Variants in DIPK1A observed in about 807,000 individuals in gnomAD.
DIPK1A encodes family with sequence similarity 69 member A.
Under a neutral mutation model 40.8 loss-of-function variants are expected in DIPK1A, and 27 were observed. The observed-to-expected ratio is 0.66, with a 90% CI of 0.49 to 0.91. DIPK1A has a LOEUF of 0.91. Ranked by LOEUF, DIPK1A falls within the 40% of genes least tolerant of loss-of-function variation. The pLI, the probability that DIPK1A is intolerant of heterozygous loss-of-function variation, is 0.00. For synonymous variants in DIPK1A, 166 were observed against 171.3 expected (o/e 0.97, Z 0.24); for missense variants, 412 against 505.7 (o/e 0.81, Z 1.78).
At chr1:92,854,076 G>C (rs1363729603) in intron 2 of DIPK1A, among the ~76,000 whole-genome samples, 1 of 152,042 alleles carries the variant, frequency 6.6e-6, no homozygotes, top group Non-Finnish European at 1.5e-5. Context: ...TTGTAGAGAT[G>C]GGGTTTCACT....
At chr1:92,922,966 ATC>A (rs1650329325) in intron 1 of DIPK1A, among the ~76,000 whole-genome samples, 2 of 151,860 alleles carry the variant, frequency 1.3e-5, no homozygotes, top group Non-Finnish European at 2.9e-5. Flanking sequence ...AATTTCTCAA[ATC>A]TGTTTTCCAC....
At position 92,907,736 on chromosome 1, in the gene DIPK1A, G is replaced by A. The variant is rs939340402; in HGVS notation, c.55-31306C>T. ...GGATTACAGGCATGAGCCACCATGCGCAGCCTGTTCTGTATCTTAATAGGG... is the reference window on the plus strand; with the variant it reads ...GGATTACAGGCATGAGCCACCATGCACAGCCTGTTCTGTATCTTAATAGGG... On this transcript the variant is annotated intron_variant, in intron 1 of 4. Coordinates refer to ENST00000370310, the MANE Select transcript of DIPK1A (RefSeq NM_001006605.5). 3.9e-5 allele frequency among the ~76,000 whole-genome samples: 6 copies of A among 152,174 alleles called. No individual in the cohort carries two copies. In the East Asian group the frequency reaches 7.7e-4, roughly 20 times the overall value.
rs189050576 is a variant in DIPK1A, at chr1:92,936,366, G to A, written c.54+25010C>T. Among the ~76,000 whole-genome samples the A allele has an allele frequency of 1.4e-3, 210 of 152,208 alleles. 2 individuals carry two copies. Among genetic ancestry groups the A allele is most frequent in the African/African-American group, 4.9e-3 (202 of 41,532 alleles). ...AGAGAAACTGGGCATGGTGGCTCACGCCTGTAATCCCAACACTTTGGGAGG... is the reference window on the plus strand; with the variant it reads ...AGAGAAACTGGGCATGGTGGCTCACACCTGTAATCCCAACACTTTGGGAGG... On this transcript the variant is annotated intron_variant, in intron 1 of 4. Coordinates refer to ENST00000370310, the MANE Select transcript of DIPK1A (RefSeq NM_001006605.5).
intron 1 of DIPK1A, chr1:92,931,666 T>C (rs1650754383): frequency 6.2e-6 from 1 of 160,878 alleles, no homozygotes; most frequent in African/African-American, 2.4e-5. Flanking sequence ...TAGTTGATAA[T>C]GATATGGTTG....
chr1:92,845,573 T>G (rs1687574372), intron 4 of DIPK1A: 6 of 294,176 alleles, frequency 2.0e-5, no homozygotes, highest in Non-Finnish European at 3.9e-5. Flanking sequence ...ATGCGGTGGC[T>G]CACGCCTGTA....
At chr1:92,862,805 T>C (rs1647341054) in intron 2 of DIPK1A, among the ~76,000 whole-genome samples, 1 of 152,240 alleles carries the variant, frequency 6.6e-6, no homozygotes, top group Non-Finnish European at 1.5e-5. Flanking sequence ...TTCTCTGCTC[T>C]AGCTATGCTA....
intron 1 of DIPK1A, 127 bp downstream of exon 1, chr1:92,961,249 G>T (rs917480941): frequency 4.2e-6 from 2 of 474,364 alleles, no homozygotes; most frequent in Non-Finnish European, 6.5e-6. Flanking sequence ...CGGACGGCAG[G>T]GGGCAGCGGG....
At position 92,927,185 on chromosome 1, in the gene DIPK1A, T is replaced by C. The variant is rs1293346153; in HGVS notation, c.54+34191A>G. Among the ~76,000 whole-genome samples the C allele has an allele frequency of 2.6e-5, 4 of 152,026 alleles. No homozygotes were observed. In the South Asian group the frequency reaches 6.2e-4, roughly 24 times the overall value. On this transcript the variant is annotated intron_variant, in intron 1 of 4. Transcript: ENST00000370310. ...TTAAAGTATAGAATTCAATGTTTTG[T>C]TGTTGTTGTTGTTTTGAAACAAGGT...
chr1:92,887,247 T>C (rs1318532543), intron 1 of DIPK1A, among the ~76,000 whole-genome samples: 1 of 111,244 alleles, frequency 9.0e-6, no homozygotes, highest in Non-Finnish European at 1.7e-5. Flanking sequence ...GAAGACCCCA[T>C]CTCTACTAAA....
chr1:92,849,419 C>T (rs1687739061), intron 3 of DIPK1A, among the ~76,000 whole-genome samples: 1 of 151,584 alleles, frequency 6.6e-6, no homozygotes, highest in South Asian at 2.1e-4. Flanking sequence ...ATGAACACGG[C>T]TCACTGCAGC....
chr1:92,837,918 C>T (rs777635356), downstream of DIPK1A: 2 of 421,900 alleles, frequency 4.7e-6, no homozygotes, highest in Non-Finnish European at 8.7e-6. Context: ...AGATAATAAA[C>T]TTCACTTATT....
At chr1:92,930,075 T>C (rs965978873) in intron 1 of DIPK1A, among the ~76,000 whole-genome samples, 3 of 152,220 alleles carry the variant, frequency 2.0e-5, no homozygotes, top group African/African-American at 7.2e-5. Context: ...ACTGGTCATC[T>C]TCTCCCTCTA....
chr1:92,919,310 A>G (rs540304280), intron 1 of DIPK1A, among the ~76,000 whole-genome samples: 1 of 152,222 alleles, frequency 6.6e-6, no homozygotes, highest in Non-Finnish European at 1.5e-5. Context: ...GGCACTTAAA[A>G]TATTGCCTAC....
chr1:92,832,982 T>A (rs1393509287), exon 5 of DIPK1A: 1 of 731,186 alleles, frequency 1.4e-6, no homozygotes, highest in Admixed American at 1.9e-5. Flanking sequence ...CATCACTGAT[T>A]GCTGTCTGGA....
intron 1 of DIPK1A, among the ~76,000 whole-genome samples, chr1:92,901,677 G>A (rs1375582351): frequency 6.6e-6 from 1 of 152,100 alleles, no homozygotes; most frequent in Non-Finnish European, 1.5e-5. Flanking sequence ...CCCTGAGATG[G>A]TGGGACTTGG....
At chr1:92,928,322 T>C (rs1356332097) in intron 1 of DIPK1A, among the ~76,000 whole-genome samples, 1 of 152,246 alleles carries the variant, frequency 6.6e-6, no homozygotes, top group Non-Finnish European at 1.5e-5. Flanking sequence ...TGTAACAGCA[T>C]TATTCTATTT....
chr1:92,914,462 G>A (rs1015238926), intron 1 of DIPK1A, among the ~76,000 whole-genome samples: 10 of 151,966 alleles, frequency 6.6e-5, no homozygotes, highest in African/African-American at 2.4e-4. Context: ...ACAGGGAAGA[G>A]AGATCACACA....
intron 1 of DIPK1A, among the ~76,000 whole-genome samples, chr1:92,883,958 T>C (rs1420245878): frequency 1.3e-5 from 2 of 152,172 alleles, no homozygotes; most frequent in African/African-American, 4.8e-5. Context: ...TTCTTAGCCA[T>C]TCTAATTAAG....
intron 1 of DIPK1A, among the ~76,000 whole-genome samples, chr1:92,904,809 A>G (rs1013566822): frequency 2.0e-5 from 3 of 151,928 alleles, no homozygotes; most frequent in African/African-American, 7.3e-5. Flanking sequence ...CGTCCACCCC[A>G]CTACCTTTCC....
Sources: allele counts gnomAD v4.1 joint callset (sites outside exome capture counted in the v4.1 genomes callset), GRCh38; gene constraint gnomAD v4.1.1; transcripts MANE v1.5; gene names NCBI Gene and HGNC (gene_info 2026-07-23, HGNC 2026-07-21).